The following OSBPL8 variants were observed in gnomAD, a reference collection of about 807,000 sequenced individuals.
OSBPL8 encodes the protein oxysterol binding protein like 8, also known as oxysterol-binding protein-related protein 8.
A neutral mutation model predicts 125.5 loss-of-function variants in OSBPL8; 59 were observed. That is an observed-to-expected ratio of 0.47 (90% CI 0.38 to 0.58). The LOEUF (loss-of-function observed/expected upper bound fraction) is 0.58, where lower values mean the gene tolerates loss of function less well. Among genes scored for constraint, OSBPL8 ranks in the 20% least tolerant of loss-of-function variants. The pLI is 0.00. For synonymous variants in OSBPL8, 330 were observed against 338.9 expected (o/e 0.97, Z 0.29); for missense variants, 758 against 1,047.8 (o/e 0.72, Z 3.82).
intron 11 of OSBPL8, 27 bp downstream of exon 11, chr12:76,390,392 AG>A (rs1363731760): frequency 6.8e-7 from 1 of 1,472,326 alleles, no homozygotes. Context: ...ATGAAAATCC[AG>A]AACCTCTAAA....
intron 1 of OSBPL8, among the ~76,000 whole-genome samples, chr12:76,503,566 C>T (rs2137130590): frequency 6.6e-6 from 1 of 152,282 alleles, no homozygotes; most frequent in African/African-American, 2.4e-5. Context: ...GAGACGGAGT[C>T]TCGCTTCTGC....
intron 1 of OSBPL8, among the ~76,000 whole-genome samples, chr12:76,504,154 C>T (rs1880184682): frequency 6.6e-6 from 1 of 151,212 alleles, no homozygotes; most frequent in East Asian, 2.0e-4. Context: ...AGACTCAAGA[C>T]TGCAACATCA....
At chr12:76,384,137 T>A (rs1243093570) in intron 15 of OSBPL8, 117 bp downstream of exon 15, 1 of 494,706 alleles carries the variant, frequency 2.0e-6, no homozygotes, top group Non-Finnish European at 3.5e-6. Flanking sequence ...CAAGGAAAGA[T>A]GATACTTAAA....
At chr12:76,524,684 C>CTT (rs199735464) in intron 1 of OSBPL8, among the ~76,000 whole-genome samples, 26 of 139,100 alleles carry the variant, frequency 1.9e-4, no homozygotes, top group Non-Finnish European at 2.4e-4. Context: ...GATCTAATTA[C>CTT]TTTTTTTTTT....
At chr12:76,512,637 CT>C (rs1881118915) in intron 1 of OSBPL8, among the ~76,000 whole-genome samples, 1 of 152,138 alleles carries the variant, frequency 6.6e-6, no homozygotes, top group African/African-American at 2.4e-5. Flanking sequence ...CAGCTTTGTT[CT>C]TTTTGCTTAG....
chr12:76,539,168 C>T (rs1234527497), intron 1 of OSBPL8, among the ~76,000 whole-genome samples: 2 of 150,474 alleles, frequency 1.3e-5, no homozygotes, highest in East Asian at 2.0e-4. Context: ...AAAAAAAAGA[C>T]AGATATCAAC....
intron 1 of OSBPL8, among the ~76,000 whole-genome samples, chr12:76,555,648 G>A (rs759032895): frequency 3.9e-5 from 6 of 152,116 alleles, no homozygotes; most frequent in African/African-American, 9.7e-5. Context: ...TTCTCCCAAC[G>A]ATCATGGATT....
chr12:76,408,075 G>A (rs1481052187), intron 5 of OSBPL8, among the ~76,000 whole-genome samples: 3 of 150,292 alleles, frequency 2.0e-5, no homozygotes, highest in African/African-American at 7.3e-5. Context: ...GGGAGGCTGA[G>A]GTGAGAGGAC....
chr12:76,363,422 T>G (rs1171369051), intron 21 of OSBPL8, among the ~76,000 whole-genome samples: 1 of 152,216 alleles, frequency 6.6e-6, no homozygotes, highest in African/African-American at 2.4e-5. Flanking sequence ...GGATTCCCTA[T>G]TTAATAAACA....
chr12:76,488,960 A>C (rs77091169), intron 1 of OSBPL8, among the ~76,000 whole-genome samples: 1,612 of 152,366 alleles, frequency 0.011, 39 homozygotes, highest in African/African-American at 0.037. Flanking sequence ...TTCTTGGAAG[A>C]AATTAAAAGT....
intron 4 of OSBPL8, among the ~76,000 whole-genome samples, chr12:76,415,793 T>C (rs1468611119): frequency 6.6e-6 from 1 of 152,214 alleles, no homozygotes; most frequent in Non-Finnish European, 1.5e-5. Flanking sequence ...AAACACCTTT[T>C]GTCTACTGAT....
intron 8 of OSBPL8, among the ~76,000 whole-genome samples, chr12:76,396,731 G>A (rs898484076): frequency 2.0e-5 from 3 of 152,152 alleles, no homozygotes; most frequent in African/African-American, 4.8e-5. Context: ...TCCAGCCTAG[G>A]TGACAGTAAA....
chr12:76,465,563 A>T (rs527500016), intron 2 of OSBPL8, among the ~76,000 whole-genome samples: 1 of 152,110 alleles, frequency 6.6e-6, no homozygotes, highest in South Asian at 2.1e-4. Context: ...CCGTCTCAAA[A>T]AAATAAAATA....
intron 15 of OSBPL8, among the ~76,000 whole-genome samples, chr12:76,382,299 T>A (rs1310625318): frequency 6.6e-6 from 1 of 152,202 alleles, no homozygotes; most frequent in African/African-American, 2.4e-5. Flanking sequence ...AGAATTTCAT[T>A]TTAATTTTCT....
intron 2 of OSBPL8, among the ~76,000 whole-genome samples, chr12:76,461,986 T>C (rs993302137): frequency 6.6e-6 from 1 of 152,240 alleles, no homozygotes; most frequent in Non-Finnish European, 1.5e-5. Flanking sequence ...TGGCAAACTT[T>C]ACAAATGCTT....
At chr12:76,547,872 G>A (rs959552798) in intron 1 of OSBPL8, among the ~76,000 whole-genome samples, 6 of 152,110 alleles carry the variant, frequency 3.9e-5, no homozygotes, top group Admixed American at 2.6e-4. Flanking sequence ...AGGGGACAAC[G>A]AAAGGGGAAA....
Position 76,351,800 on chromosome 12 carries a change from GCT to G in OSBPL8, c.*4087_*4088del, listed in dbSNP as rs1485531922. The G allele has an allele frequency of 1.3e-5, 2 of 152,114 alleles. No homozygotes were observed. The highest frequency in any genetic ancestry group is 2.9e-5 in the Non-Finnish European group (2 of 68,006). 9.4% of individuals were successfully genotyped at this position (152,114 alleles called of 1,614,324 possible). On this transcript the variant is annotated 3_prime_UTR_variant, in exon 24 of 24. Transcript: ENST00000261183. ...ATTAAAAGTCACTTGATCACCGTTT[GCT>G]CTTTTTAAAAATTTTATTTAGAAGC...
At chr12:76,407,633 A>G (rs906894277) in intron 5 of OSBPL8, among the ~76,000 whole-genome samples, 3 of 152,260 alleles carry the variant, frequency 2.0e-5, no homozygotes, top group Non-Finnish European at 4.4e-5. Context: ...AAATTATGAG[A>G]AAATCAGTAA....
At position 76,390,195 on chromosome 12, in the gene OSBPL8, A is replaced by T. The variant is rs1953499066; in HGVS notation, c.1167+225T>A. 5 of 452,686 alleles carry T rather than the reference A, an allele frequency of 1.1e-5. No homozygotes were observed. In the East Asian group the frequency reaches 1.7e-4, roughly 15 times the overall value. The allele number at this position is 452,686 out of a possible 1,614,324, so 28.0% of individuals were successfully genotyped here. A position where few individuals can be genotyped will look rare whatever the true frequency, so the allele number is the denominator to read the frequency against. On this transcript the variant is annotated intron_variant, in intron 11 of 23. Transcript: ENST00000261183. ...TATCCTACTTCAAAATCAAGCTTGA[A>T]GAAAATGTAAACTTTAAATTTAATA...
Sources: allele counts gnomAD v4.1 joint callset (sites outside exome capture counted in the v4.1 genomes callset), GRCh38; gene constraint gnomAD v4.1.1; transcripts MANE v1.5; gene names NCBI Gene and HGNC (gene_info 2026-07-23, HGNC 2026-07-21).